CHD8: variants seen among roughly 807,000 people sequenced by gnomAD.
CHD8 encodes the protein chromodomain helicase DNA binding protein 8.
CHD8 carries 31 observed loss-of-function variants against 279.2 expected under a neutral mutation model. The observed-to-expected ratio is 0.11, with a 90% CI of 0.08 to 0.15. CHD8 has a LOEUF of 0.15. CHD8 is among the 10% of genes least tolerant of loss of function. The probability of loss-of-function intolerance (pLI) is 1.00; values close to 1 mark genes in which losing one functional copy is unlikely to be tolerated. For synonymous variants in CHD8, 1,081 were observed against 1,139.6 expected (o/e 0.95, Z 1.04); for missense variants, 2,146 against 3,230.5 (o/e 0.66, Z 8.14).
intron 7 of CHD8, chr14:21,415,268 C>G (rs1004213819): frequency 2.6e-5 from 11 of 419,426 alleles, no homozygotes; most frequent in East Asian, 1.8e-4. Context: ...ACAACTACAC[C>G]TTAGCAATAT....
At chr14:21,444,674 G>A (rs1890068928) in intron 1 of CHD8, among the ~76,000 whole-genome samples, 1 of 151,636 alleles carries the variant, frequency 6.6e-6, no homozygotes, top group Non-Finnish European at 1.5e-5. Context: ...CACTTTTCAA[G>A]TTTTCCTTCA....
intron 1 of CHD8, among the ~76,000 whole-genome samples, chr14:21,448,615 G>A (rs1465128138): frequency 1.3e-5 from 2 of 151,936 alleles, no homozygotes; most frequent in Non-Finnish European, 2.9e-5. Context: ...GGAGTGCAGT[G>A]GCTCAATCTC....
At chr14:21,430,737 C>G (rs1486292939) in intron 2 of CHD8, 64 bp downstream of exon 2, 63 of 1,015,372 alleles carry the variant, frequency 6.2e-5, no homozygotes, top group East Asian at 1.0e-4. Flanking sequence ...TGTGCTCACT[C>G]TCTCAAAGAG....
chr14:21,440,966 C>G (rs1373772007), intron 1 of CHD8, among the ~76,000 whole-genome samples: 1 of 152,064 alleles, frequency 6.6e-6, no homozygotes, highest in Non-Finnish European at 1.5e-5. Context: ...AAGGCCCCTT[C>G]CTATATTTTC....
At chr14:21,445,751 C>G (rs1461887650) in intron 1 of CHD8, among the ~76,000 whole-genome samples, 1 of 144,426 alleles carries the variant, frequency 6.9e-6, no homozygotes, top group Non-Finnish European at 1.5e-5. Flanking sequence ...CCTGTAATCT[C>G]AGCACTTTGG....
rs769647344 is a variant in CHD8, at chr14:21,429,099, C to A, written c.1080G>T (p.Ser360=). 2 of 1,613,884 alleles carry A rather than the reference C, an allele frequency of 1.2e-6. No homozygotes were observed. Among genetic ancestry groups the A allele is most frequent in the Non-Finnish European group, 1.7e-6 (2 of 1,179,878 alleles). The change falls in exon 3 of 38, where the codon TCG becomes TCT. Residue 360 remains serine, a synonymous_variant. Transcript: ENST00000646647. ...KIQIVPQPPS[S]QPQPQQPPST... The stretch of plus-strand genomic sequence containing the variant: ...AGGGTGGCTGCTGGGGCTGTGGCTG[C>A]GATGATGGTGGTTGTGGTACAATCT...
In CHD8 at chr14:21,442,125, T is replaced by C. The variant is rs2139563516; in HGVS notation, c.-215-10267A>G. Among the ~76,000 whole-genome samples, 4 of 152,268 alleles carry C rather than the reference T, an allele frequency of 2.6e-5. No individual in the cohort carries two copies. The East Asian group carries it at 7.7e-4, about 29-fold the overall frequency. On this transcript the variant is annotated intron_variant, in intron 1 of 37. Transcript: ENST00000646647. ...AGGCTGGGAGGCCAAGGCCAAAGAATTGCTTGAGCCCAGGAGTTTGAGATC... is the reference window on the plus strand; with the variant it reads ...AGGCTGGGAGGCCAAGGCCAAAGAACTGCTTGAGCCCAGGAGTTTGAGATC...
rs376085268 is a variant in CHD8, at chr14:21,400,863, T to C, written c.4370+12A>G. ...ACTATGCACTACCTCTAATGGTAAGTTGGGGTCTTACCCATATACCAGGAG... is the reference window on the plus strand; with the variant it reads ...ACTATGCACTACCTCTAATGGTAAGCTGGGGTCTTACCCATATACCAGGAG... On this transcript the variant is annotated intron_variant, in intron 22 of 37. Coordinates refer to ENST00000646647, the MANE Select transcript of CHD8 (RefSeq NM_001170629.2). This position sits in a 1 kb window ranked among gnomAD's most constrained non-coding sequence, Gnocchi z 4.2. The C allele has an allele frequency of 6.6e-5, 106 of 1,596,646 alleles. No homozygotes were observed. Among genetic ancestry groups the C allele is most frequent in the East Asian group, 1.1e-4 (5 of 44,820 alleles).
At chr14:21,424,654 G>A (rs907120577) in intron 5 of CHD8, among the ~76,000 whole-genome samples, 5 of 152,138 alleles carry the variant, frequency 3.3e-5, no homozygotes, top group Middle Eastern at 3.4e-3. Flanking sequence ...TGTATTTTTG[G>A]TAGAGACGGG....
chr14:21,401,533 G>C lies in CHD8; in HGVS notation c.4063-20C>G, dbSNP rs772860494. ...GCTTGCCTAGAGAAAAACAAATGCA[G>C]AGGTAAAGCTGACTTTTTTTTTTAA... On this transcript the variant is annotated intron_variant, in intron 20 of 37. Coordinates refer to ENST00000646647, the MANE Select transcript of CHD8 (RefSeq NM_001170629.2). 9.2e-6 allele frequency: 13 copies of C among 1,409,500 alleles called. No individual in the cohort carries two copies. In the South Asian group the frequency reaches 1.3e-4, roughly 14 times the overall value. 87.3% of individuals were successfully genotyped at this position (1,409,500 alleles called of 1,614,324 possible). A position where few individuals can be genotyped will look rare whatever the true frequency, so the allele number is the denominator to read the frequency against.
At position 21,432,552 on chromosome 14, in the gene CHD8, A is replaced by G. The variant is rs796746586; in HGVS notation, c.-215-694T>C. Among the ~76,000 whole-genome samples the G allele has an allele frequency of 2.6e-4, 39 of 152,290 alleles. 2 individuals carry two copies. The highest frequency in any genetic ancestry group is 9.1e-4 in the African/African-American group (38 of 41,566). On this transcript the variant is annotated intron_variant, in intron 1 of 37. Transcript: ENST00000646647. ...TTTATATTCCCAACTTCCTCTTACC[A>G]TCTCTTACATATATTTTACATTCCA...
chr14:21,427,881 T>C lies in CHD8; in HGVS notation c.1589A>G (p.Lys530Arg). Residue 530 changes from lysine to arginine, a missense_variant, in exon 4 of 38, where the codon AAG becomes AGG. Transcript: ENST00000646647. ...AAGGAGTACTCACTTGAGCTTGCTC[T>C]TGCCCTTTGTTTTGGAGGCACCAGA... ...KTSGASKTKG[K>R]SKLNTITPVV... 1 of 1,613,972 alleles carries C rather than the reference T, an allele frequency of 6.2e-7. No individual in the cohort carries two copies. Among genetic ancestry groups the C allele is most frequent in the East Asian group, 2.2e-5 (1 of 44,886 alleles).
At chr14:21,455,285 G>A (rs576885565) in intron 1 of CHD8, 3 of 152,378 alleles carry the variant, frequency 2.0e-5, no homozygotes, top group South Asian at 2.1e-4. Context: ...GCAAGAGGCT[G>A]CTGCATTTAT....
intron 3 of CHD8, 128 bp from the exon 4 acceptor site, chr14:21,428,382 C>G (rs957181933): frequency 1.2e-6 from 1 of 806,370 alleles, no homozygotes; most frequent in Non-Finnish European, 1.9e-6. Flanking sequence ...CAGACTAAAT[C>G]TTATTGAACC....
At chr14:21,414,221 G>A (rs1888625305) in intron 9 of CHD8, 80 bp downstream of exon 9, 2 of 767,892 alleles carry the variant, frequency 2.6e-6, no homozygotes, top group South Asian at 3.1e-5. Context: ...CAAGTATTTT[G>A]AAGAATCAGC....
At chr14:21,406,512 T>A (rs1594348547) in intron 14 of CHD8, among the ~76,000 whole-genome samples, 1 of 152,162 alleles carries the variant, frequency 6.6e-6, no homozygotes, top group South Asian at 2.1e-4. Flanking sequence ...CCAGGCAAGA[T>A]CATCATAAGA....
At position 21,385,332 on chromosome 14, in the gene CHD8, T is replaced by A; in HGVS notation, c.*281A>T. ...CCAGCGCTACATAGTCTGTGGTTAA[T>A]GGAGGTGACTAGGGAGGGGTGAGCA... On this transcript the variant is annotated 3_prime_UTR_variant, in exon 38 of 38. Coordinates refer to ENST00000646647, the MANE Select transcript of CHD8 (RefSeq NM_001170629.2). The A allele has an allele frequency of 2.2e-6, 1 of 458,872 alleles. No homozygotes were observed. Among genetic ancestry groups the A allele is most frequent in the Non-Finnish European group, 3.8e-6 (1 of 259,906 alleles). The allele number at this position is 458,872 out of a possible 1,614,324, so 28.4% of individuals were successfully genotyped here.
chr14:21,412,937 G>T lies in CHD8; in HGVS notation c.2202C>A (p.His734Gln). Residue 734 changes from histidine to glutamine, a missense_variant, in exon 10 of 38, where the codon CAC becomes CAA. By Grantham distance (24) the His-to-Gln change is conservative (BLOSUM62 0). This residue lies in a region of CHD8 where 211 missense variants were observed against 464.7 expected (regional missense o/e 0.45). Coordinates refer to ENST00000646647, the MANE Select transcript of CHD8 (RefSeq NM_001170629.2). ...CCTCCCCATTGTCCTTGTCAATACT[G>T]TGAGACTCATCCAATATCCTATCCA... ...VEVDRILDESHSIDKDNGEPV... is the reference protein window; with the variant it reads ...VEVDRILDESQSIDKDNGEPV... The T allele has an allele frequency of 6.2e-7, 1 of 1,608,246 alleles. No individual in the cohort carries two copies. The highest frequency in any genetic ancestry group is 8.5e-7 in the Non-Finnish European group (1 of 1,174,910).
intron 21 of CHD8, 88 bp from the exon 22 acceptor site, chr14:21,401,159 G>A (rs189276717): frequency 2.6e-4 from 271 of 1,030,480 alleles, no homozygotes; most frequent in Admixed American, 7.4e-4. Flanking sequence ...AATAACATTG[G>A]ATGTAACGTG....
Sources: allele counts gnomAD v4.1 joint callset (sites outside exome capture counted in the v4.1 genomes callset), GRCh38; gene constraint gnomAD v4.1.1; regional missense constraint gnomAD v4.1.1; non-coding constraint Gnocchi (gnomAD v3.1); transcripts MANE v1.5; gene names NCBI Gene and HGNC (gene_info 2026-07-23, HGNC 2026-07-21).